Variants in IQCJ observed in about 807,000 individuals in gnomAD.
The protein encoded by IQCJ is IQ domain-containing protein J.
Under a neutral mutation model 11.0 loss-of-function variants are expected in IQCJ, and 9 were observed. The ratio of observed to expected loss-of-function variants is 0.82; its 90% CI spans 0.49 to 1.43. The LOEUF (loss-of-function observed/expected upper bound fraction) is 1.43, where lower values mean the gene tolerates loss of function less well. Among genes scored for constraint, IQCJ ranks in the 40% most tolerant of loss-of-function variants. The pLI, the probability that IQCJ is intolerant of heterozygous loss-of-function variation, is 0.00. For missense variants in IQCJ, 146 were observed against 133.2 expected (o/e 1.10, Z -0.47); for synonymous variants, 55 against 51.3 (o/e 1.07, Z -0.31).
intron 1 of IQCJ, among the ~76,000 whole-genome samples, chr3:159,192,407 G>A (rs60959423): frequency 0.068 from 10,284 of 152,192 alleles, 1,158 homozygotes; most frequent in African/African-American, 0.24. Context: ...TTGCATGCAG[G>A]GAACTTCTTG....
chr3:159,096,307 T>C (rs546249621), intron 1 of IQCJ, among the ~76,000 whole-genome samples: 39 of 150,998 alleles, frequency 2.6e-4, no homozygotes, highest in South Asian at 2.1e-3. Context: ...TTCTCCCATT[T>C]TATAGGTTGC....
intron 1 of IQCJ, among the ~76,000 whole-genome samples, chr3:159,160,714 G>C (rs1225330274): frequency 8.2e-6 from 1 of 122,134 alleles, no homozygotes; most frequent in Non-Finnish European, 1.6e-5. Flanking sequence ...CCCAGAGTGT[G>C]ATGTTCCCCT....
chr3:159,234,928 C>T (rs1482716989), intron 1 of IQCJ, among the ~76,000 whole-genome samples: 2 of 152,148 alleles, frequency 1.3e-5, no homozygotes, highest in African/African-American at 2.4e-5. Context: ...TGCTACACTA[C>T]AACAAAATGC....
chr3:159,133,003 C>T (rs925560237), intron 1 of IQCJ, among the ~76,000 whole-genome samples: 1 of 152,046 alleles, frequency 6.6e-6, no homozygotes, highest in African/African-American at 2.4e-5. Flanking sequence ...TATTTGGTTT[C>T]AGTTTTTCTA....
intron 1 of IQCJ, among the ~76,000 whole-genome samples, chr3:159,089,343 GC>G (rs1455124147): frequency 1.3e-5 from 2 of 152,106 alleles, no homozygotes; most frequent in African/African-American, 4.8e-5. Context: ...CTTTCTGGCT[GC>G]CCTTAACATT....
At chr3:159,073,324 A>C (rs1715708858) in intron 1 of IQCJ, among the ~76,000 whole-genome samples, 1 of 152,120 alleles carries the variant, frequency 6.6e-6, no homozygotes, top group African/African-American at 2.4e-5. Flanking sequence ...TTGAAGGAAG[A>C]TCTGAGCAGT....
At chr3:159,222,519 A>G (rs1318705927) in intron 1 of IQCJ, among the ~76,000 whole-genome samples, 2 of 152,156 alleles carry the variant, frequency 1.3e-5, no homozygotes, top group Admixed American at 1.3e-4. Flanking sequence ...ACAGAGTAGA[A>G]TGCTGATTAC....
chr3:159,164,464 A>G lies in IQCJ; in HGVS notation c.10-81379A>G, dbSNP rs977105981. ...CTTTGCTTTATTGTGTAAGCCTACT[A>G]TAATTAGAATTAGGTTCAGCTCTCC... is the stretch of plus-strand genomic sequence containing the variant. On this transcript the variant is annotated intron_variant, in intron 1 of 3. Transcript: ENST00000397832. Among the ~76,000 whole-genome samples, 4 of 152,178 alleles carry G rather than the reference A, an allele frequency of 2.6e-5. No homozygotes were observed. The East Asian group carries it at 5.8e-4, about 22-fold the overall frequency.
chr3:159,168,645 A>G (rs112073189), intron 1 of IQCJ, among the ~76,000 whole-genome samples: 12 of 152,162 alleles, frequency 7.9e-5, no homozygotes, highest in African/African-American at 2.7e-4. Context: ...TGAGATTAGT[A>G]GTTAAGGACT....
intron 3 of IQCJ, 134 bp downstream of exon 3, chr3:159,252,941 T>G: frequency 1.2e-6 from 1 of 843,138 alleles, no homozygotes; most frequent in Non-Finnish European, 1.8e-6. Flanking sequence ...TTCCTCCCTC[T>G]TCTAAGCAGG....
chr3:159,252,826 T>A lies in IQCJ; in HGVS notation c.155+19T>A. On this transcript the variant is annotated intron_variant, in intron 3 of 3. Coordinates refer to ENST00000397832, the MANE Select transcript of IQCJ (RefSeq NM_001042706.3). ...TGAAAATGTAAGTTATTTCAAAGTA[T>A]AAATTAAGCAATTAGTTCTAGTTTT... 6.2e-7 allele frequency: 1 copy of A among 1,602,036 alleles called. No individual in the cohort carries two copies. The highest frequency in any genetic ancestry group is 2.2e-5 in the East Asian group (1 of 44,608).
chr3:159,137,078 A>G, intron 1 of IQCJ, among the ~76,000 whole-genome samples: 1 of 152,142 alleles, frequency 6.6e-6, no homozygotes, highest in Non-Finnish European at 1.5e-5. Context: ...CCTGGCCAAC[A>G]TGGTGAAACC....
At position 159,263,583 on chromosome 3, in the gene IQCJ, A is replaced by G. The variant is rs1728338887; in HGVS notation, c.*852A>G. The G allele has an allele frequency of 1.0e-6, 1 of 984,640 alleles. No homozygotes were observed. Among genetic ancestry groups the G allele is most frequent in the Middle Eastern group, 5.2e-4 (1 of 1,912 alleles). 61.0% of individuals were successfully genotyped at this position (984,640 alleles called of 1,614,324 possible). ...AGTTAGAGAAATGAAGTAATTACAC[A>G]AGTATATTACTTCCAAAAATTTTTC... On this transcript the variant is annotated 3_prime_UTR_variant, in exon 4 of 4. Coordinates refer to ENST00000397832, the MANE Select transcript of IQCJ (RefSeq NM_001042706.3).
chr3:159,204,604 A>G (rs1264392686), intron 1 of IQCJ, among the ~76,000 whole-genome samples: 1 of 152,206 alleles, frequency 6.6e-6, no homozygotes, highest in Non-Finnish European at 1.5e-5. Flanking sequence ...GCTATATTGT[A>G]TTGGTTAAAG....
chr3:159,076,786 C>T (rs988710208), intron 1 of IQCJ, among the ~76,000 whole-genome samples: 4 of 152,084 alleles, frequency 2.6e-5, no homozygotes, highest in South Asian at 2.1e-4. Context: ...ATAAAAGCAC[C>T]TGACCCTGGA....
At chr3:159,232,181 A>G (rs1384656798) in intron 1 of IQCJ, among the ~76,000 whole-genome samples, 2 of 151,238 alleles carry the variant, frequency 1.3e-5, no homozygotes, top group Admixed American at 6.6e-5. Context: ...CTAGCTTTTG[A>G]ATTTGTTTGC....
intron 1 of IQCJ, among the ~76,000 whole-genome samples, chr3:159,161,766 A>ATTTATTTAT (rs1721873601): frequency 6.6e-6 from 1 of 152,194 alleles, no homozygotes; most frequent in Non-Finnish European, 1.5e-5. Flanking sequence ...CAGTTTTCCC[A>ATTTATTTAT]GCACCATTTA....
chr3:159,257,780 T>A (rs1436185845), intron 3 of IQCJ, among the ~76,000 whole-genome samples: 1 of 152,228 alleles, frequency 6.6e-6, no homozygotes, highest in East Asian at 1.9e-4. Flanking sequence ...AAGTAGGGGT[T>A]CTACTTCTCC....
intron 3 of IQCJ, among the ~76,000 whole-genome samples, chr3:159,256,367 G>A (rs1727895768): frequency 6.6e-6 from 1 of 152,162 alleles, no homozygotes; most frequent in South Asian, 2.1e-4. Context: ...GAGAGAGAGA[G>A]AGAAAGACAG....
Sources: gnomAD v4.1 joint callset for allele counts (sites outside exome capture counted in the v4.1 genomes callset) on GRCh38, gnomAD v4.1.1 for gene constraint, MANE v1.5 for transcripts, NCBI Gene and HGNC (gene_info 2026-07-23, HGNC 2026-07-21) for gene names.